The following XYLT2 variants were observed in gnomAD, a reference collection of about 807,000 sequenced individuals.
XYLT2 encodes the protein UDP-D-xylose:proteoglycan core protein beta-D-xylosyltransferase.
XYLT2 carries 37 observed loss-of-function variants against 82.6 expected under a neutral mutation model. The ratio of observed to expected loss-of-function variants is 0.45; its 90% CI spans 0.34 to 0.59. The LOEUF is 0.59. Among genes scored for constraint, XYLT2 ranks in the 20% least tolerant of loss-of-function variants. XYLT2 has a pLI of 0.01. For synonymous variants in XYLT2, 474 were observed against 499.0 expected, an observed-to-expected ratio of 0.95 and a Z score of 0.67; for missense variants, 934 against 1,181.3, an observed-to-expected ratio of 0.79 and a Z score of 3.07.
intron 7 of XYLT2, 117 bp downstream of exon 7, chr17:50,356,378 CAG>C (rs918606745): frequency 6.5e-7 from 1 of 1,550,342 alleles, no homozygotes. Flanking sequence ...CAGCAACCCT[CAG>C]GGGTCTGGGG....
At chr17:50,355,679 C>G (rs1912489390) in intron 5 of XYLT2, 98 bp downstream of exon 5, 1 of 1,587,398 alleles carries the variant, frequency 6.3e-7, no homozygotes, top group Admixed American at 1.7e-5. Flanking sequence ...TTCAAAGCCT[C>G]CACACCAGTC....
chr17:50,355,289 C>T (rs906814583), intron 4 of XYLT2, among the ~76,000 whole-genome samples: 1 of 152,092 alleles, frequency 6.6e-6, no homozygotes, highest in Non-Finnish European at 1.5e-5. Context: ...GAGGTCTGTA[C>T]CTGGTGTTCT....
chr17:50,353,058 C>G (rs1160233184), intron 1 of XYLT2, among the ~76,000 whole-genome samples: 4 of 152,224 alleles, frequency 2.6e-5, no homozygotes. Flanking sequence ...CTGTCTTGAT[C>G]TGCTTCCTAG....
In XYLT2 at chr17:50,354,389, G is replaced by T; in HGVS notation, c.629-19G>T. ...GTGACCTAGGGTGGGCCTCGCCAACGCCTGTCCTCTGCTCTCAGGGAAGAT... is the reference window on the plus strand; with the variant it reads ...GTGACCTAGGGTGGGCCTCGCCAACTCCTGTCCTCTGCTCTCAGGGAAGAT... On this transcript the variant is annotated intron_variant, in intron 2 of 10. Coordinates refer to ENST00000017003, the MANE Select transcript of XYLT2 (RefSeq NM_022167.4). 6.3e-7 allele frequency: 1 copy of T among 1,594,192 alleles called. No homozygotes were observed.
At chr17:50,359,851 G>A in intron 10 of XYLT2, 118 bp from the exon 11 acceptor site, 2 of 891,748 alleles carry the variant, frequency 2.2e-6, no homozygotes, top group Admixed American at 2.9e-5. Flanking sequence ...CATTCAGCAA[G>A]CTGTGACTCA....
In XYLT2 at chr17:50,353,744, C is replaced by T. The variant is rs756872826; in HGVS notation, c.250C>T (p.Arg84Cys). 3.9e-6 allele frequency: 6 copies of T among 1,557,968 alleles called. No homozygotes were observed. Among genetic ancestry groups the T allele is most frequent in the African/African-American group, 2.7e-5 (2 of 73,532 alleles). Residue 84 changes from arginine (R) to cysteine (C), a missense_variant, in exon 2 of 11, where the codon CGT becomes TGT. Physicochemically the swap from Arg to Cys is radical, Grantham distance 180. This residue lies in a region of XYLT2 where 371 missense variants were observed against 394.9 expected (regional missense o/e 0.94). Coordinates refer to ENST00000017003, the MANE Select transcript of XYLT2 (RefSeq NM_022167.4). ...TGRRHGRWRG[R>C]AESPGVPVAK... is the part of the protein sequence containing the mutation. ...CAGAAGGCATGGGCGCTGGCGGGGCCGTGCTGAGAGCCCAGGAGTGCCCGT... is the reference window on the plus strand; with the variant it reads ...CAGAAGGCATGGGCGCTGGCGGGGCTGTGCTGAGAGCCCAGGAGTGCCCGT...
intron 1 of XYLT2, among the ~76,000 whole-genome samples, chr17:50,349,918 CACGCCTGTAATCCCAGCA>C (rs1486967049): frequency 1.3e-5 from 2 of 152,162 alleles, no homozygotes; most frequent in Admixed American, 6.5e-5. Context: ...TATGGTGGCT[CACGCCTGTAATCCCAGCA>C]CTTTGGGAGG....
intron 1 of XYLT2, chr17:50,347,017 G>GGCTGGGGCT: frequency 1.2e-6 from 1 of 831,728 alleles, no homozygotes; most frequent in Non-Finnish European, 1.5e-6. Context: ...AGCCCCAGCC[G>GGCTGGGGCT]CAGAGCAGGG....
rs149384317 is a variant in XYLT2, at chr17:50,355,529, T to A, written c.1036T>A (p.Ser346Thr). Reference sequence around the variant, plus strand: ...CAATGAGGAGCTGGTGGCATTCCTATCCAAGAACCGGGACAAGAATTTCCT... The same window carrying A: ...CAATGAGGAGCTGGTGGCATTCCTAACCAAGAACCGGGACAAGAATTTCCT... ...RTNEELVAFL[S>T]KNRDKNFLKS... The change falls in exon 5 of 11, where the codon TCC becomes ACC. Residue 346 changes from serine to threonine, a missense_variant. Transcript: ENST00000017003. The A allele has an allele frequency of 6.2e-6, 10 of 1,613,954 alleles. No homozygotes were observed. Among genetic ancestry groups the A allele is most frequent in the Non-Finnish European group, 8.5e-6 (10 of 1,179,962 alleles).
At chr17:50,349,608 A>G (rs72832441) in intron 1 of XYLT2, among the ~76,000 whole-genome samples, 3,632 of 152,310 alleles carry the variant, frequency 0.024, 65 homozygotes, top group Middle Eastern at 0.061. Flanking sequence ...TAAAAAGATC[A>G]GAAGGCTGGC....
chr17:50,356,605 AC>A lies in XYLT2; in HGVS notation c.1584del (p.Gly529AlafsTer78), dbSNP rs779864368. ...CTGGACTTCCACCTGTATGGCAGCTACCCCCCCGGCACGCCAGCCCTCAAGG... is the reference window on the plus strand; with the variant it reads ...CTGGACTTCCACCTGTATGGCAGCTACCCCCCGGCACGCCAGCCCTCAAGG... ...EILDFHLYGSYPPGTPALKAY... is the reference protein window; with the variant it reads ...EILDFHLYGSXPPGTPALKAY... On this transcript the variant is annotated frameshift_variant, in exon 8 of 11. Transcript: ENST00000017003. LOFTEE classifies it high-confidence loss of function. The A allele has an allele frequency of 1.5e-5, 24 of 1,612,952 alleles. No individual in the cohort carries two copies. Among genetic ancestry groups the A allele is most frequent in the African/African-American group, 4.0e-5 (3 of 74,610 alleles).
In XYLT2 at chr17:50,353,737, G is replaced by C; in HGVS notation, c.243G>C (p.Trp81Cys). 6.4e-7 allele frequency: 1 copy of C among 1,557,756 alleles called. No homozygotes were observed. The highest frequency in any genetic ancestry group is 1.2e-5 in the South Asian group (1 of 84,810). ...RGSTGRRHGR[W>C]RGRAESPGVP... ...GCACAGGCAGAAGGCATGGGCGCTG[G>C]CGGGGCCGTGCTGAGAGCCCAGGAG... Residue 81 changes from tryptophan to cysteine, a missense_variant, in exon 2 of 11, where the codon TGG (tryptophan) becomes TGC (cysteine). Physicochemically the swap from Trp to Cys is radical, Grantham distance 215. Transcript: ENST00000017003.
chr17:50,358,425 G>A lies in XYLT2; in HGVS notation c.2160G>A (p.Arg720=). ...EVTQYKPPLS[R]PLRPGPWTVR... Reference sequence around the variant, plus strand: ...CGCAATACAAGCCCCCACTGAGCCGGCCCCTGCGGCCAGGGCCCTGGACTG... The same window carrying A: ...CGCAATACAAGCCCCCACTGAGCCGACCCCTGCGGCCAGGGCCCTGGACTG... Residue 720 remains arginine, a synonymous_variant, in exon 10 of 11, where the codon CGG becomes CGA. Coordinates refer to ENST00000017003, the MANE Select transcript of XYLT2 (RefSeq NM_022167.4). The A allele has an allele frequency of 6.2e-7, 1 of 1,614,146 alleles. No individual in the cohort carries two copies. The highest frequency in any genetic ancestry group is 1.7e-5 in the Admixed American group (1 of 60,024).
intron 1 of XYLT2, among the ~76,000 whole-genome samples, chr17:50,353,006 C>T (rs548550284): frequency 3.3e-5 from 5 of 152,320 alleles, no homozygotes; most frequent in Admixed American, 3.3e-4. Context: ...CCTGCCCCAT[C>T]GTTCACAGGG....
chr17:50,353,454 G>A (rs574007885), intron 1 of XYLT2, among the ~76,000 whole-genome samples, 176 bp from the exon 2 acceptor site: 1 of 152,338 alleles, frequency 6.6e-6, no homozygotes, highest in African/African-American at 2.4e-5. Context: ...TGGCTGGCCA[G>A]GGAGGTGCTC....
chr17:50,358,959 G>GACCT (rs1912677815), intron 10 of XYLT2: 1 of 172,634 alleles, frequency 5.8e-6, no homozygotes, highest in African/African-American at 2.4e-5. Flanking sequence ...ACAAAGCTAG[G>GACCT]AAATGTCTCA....
At position 50,354,484 on chromosome 17, in the gene XYLT2, C is replaced by A. The variant is rs759775376; in HGVS notation, c.705C>A (p.Ala235=). 1 of 1,613,214 alleles carries A rather than the reference C, an allele frequency of 6.2e-7. No individual in the cohort carries two copies. The highest frequency in any genetic ancestry group is 1.3e-5 in the African/African-American group (1 of 75,056). ...TGGATGGCCCCCCGGTGCGAATCGC[C>A]TACATGCTGGTGGTTCACGGCCGCG... is the stretch of plus-strand genomic sequence containing the variant. ...QPMDGPPVRI[A]YMLVVHGRAI... Residue 235 remains alanine, a synonymous_variant, in exon 3 of 11, where the codon GCC becomes GCA. Transcript: ENST00000017003.
In XYLT2 at chr17:50,354,067, G is replaced by A. The variant is rs1157547380; in HGVS notation, c.573G>A (p.Leu191=). The A allele has an allele frequency of 6.2e-7, 1 of 1,607,972 alleles. No homozygotes were observed. Among genetic ancestry groups the A allele is most frequent in the Middle Eastern group, 1.7e-4 (1 of 6,058 alleles). ...CQQEIANVVC[L]HQAGSLMPKA... is the part of the protein sequence containing the mutation. ...AGGAGATCGCCAATGTGGTGTGCCT[G>A]CACCAGGCTGGGAGCCTCATGCCCA... Residue 191 remains leucine (L), a synonymous_variant, in exon 2 of 11, where the codon CTG becomes CTA. Transcript: ENST00000017003.
Position 50,360,065 on chromosome 17 carries a change from A to G in XYLT2, c.2372A>G (p.Glu791Gly), listed in dbSNP as rs1415628400. ...AGCATCCTGAACCTGCCTCAGCCGG[A>G]GCTCGCGGAGGAGGCTGCCCAGCGG... The part of the protein sequence containing the change: ...LSSILNLPQP[E>G]LAEEAAQRHT... The change falls in exon 11 of 11, where the codon GAG becomes GGG. Residue 791 changes from glutamate (E) to glycine (G), a missense_variant. Transcript: ENST00000017003. 9 of 1,613,832 alleles carry G rather than the reference A, an allele frequency of 5.6e-6. No individual in the cohort carries two copies. Among genetic ancestry groups the G allele is most frequent in the African/African-American group, 2.7e-5 (2 of 74,914 alleles).
Sources: gnomAD v4.1 joint callset for allele counts (sites outside exome capture counted in the v4.1 genomes callset) on GRCh38, gnomAD v4.1.1 for gene constraint, gnomAD v4.1.1 regional missense constraint, MANE v1.5 for transcripts, NCBI Gene and HGNC (gene_info 2026-07-23, HGNC 2026-07-21) for gene names.